NRG3: variants seen among roughly 807,000 people sequenced by gnomAD.
NRG3 encodes neuregulin 3, also known as pro-neuregulin-3, membrane-bound isoform.
In NRG3, 31 loss-of-function variants were observed where a neutral mutation model predicts 66.9. That is an observed-to-expected ratio of 0.46 (90% CI 0.35 to 0.63). The LOEUF is 0.63. Among genes scored for constraint, NRG3 ranks in the 20% least tolerant of loss-of-function variants. The pLI is 0.00. For synonymous variants in NRG3, 393 were observed against 359.4 expected (o/e 1.09, Z -1.06); for missense variants, 910 against 878.9 (o/e 1.04, Z -0.45).
At chr10:82,110,971 A>T (rs572853263) in intron 1 of NRG3, among the ~76,000 whole-genome samples, 7 of 152,320 alleles carry the variant, frequency 4.6e-5, no homozygotes, top group African/African-American at 1.7e-4. Flanking sequence ...GCTAACAAAG[A>T]TGTTACCAAA....
rs140950881 is a variant in NRG3, at chr10:82,593,473, C to A, written c.954-145104C>A. Among the ~76,000 whole-genome samples, 21 of 152,242 alleles carry A rather than the reference C, an allele frequency of 1.4e-4. No homozygotes were observed. The East Asian group carries it at 3.9e-3, about 28-fold the overall frequency. ...AAAGAAGCATGCTGTAGTGAGAATTCTTTGCTAGGAGTCAGAATTGGGTTC... is the reference window on the plus strand; with the variant it reads ...AAAGAAGCATGCTGTAGTGAGAATTATTTGCTAGGAGTCAGAATTGGGTTC... On this transcript the variant is annotated intron_variant, in intron 2 of 8. Transcript: ENST00000372141.
At chr10:82,153,555 T>G (rs2132828859) in intron 1 of NRG3, among the ~76,000 whole-genome samples, 1 of 152,090 alleles carries the variant, frequency 6.6e-6, no homozygotes, top group South Asian at 2.1e-4. Flanking sequence ...CTTACTTATT[T>G]TAATTCCTTT....
chr10:82,775,560 A>G (rs1485738844), intron 3 of NRG3, among the ~76,000 whole-genome samples: 1 of 152,090 alleles, frequency 6.6e-6, no homozygotes, highest in African/African-American at 2.4e-5. Flanking sequence ...CATGTGCACA[A>G]GAGAAGAATG....
At chr10:82,208,396 T>C (rs2075233499) in intron 1 of NRG3, among the ~76,000 whole-genome samples, 1 of 152,172 alleles carries the variant, frequency 6.6e-6, no homozygotes, top group African/African-American at 2.4e-5. Context: ...TAATAATAAT[T>C]CTGGAGCCAC....
chr10:82,857,032 T>A (rs2063846624), intron 3 of NRG3, among the ~76,000 whole-genome samples: 1 of 152,194 alleles, frequency 6.6e-6, no homozygotes, highest in Non-Finnish European at 1.5e-5. Flanking sequence ...GAATAAGATT[T>A]CAGTCTAATG....
intron 1 of NRG3, among the ~76,000 whole-genome samples, chr10:82,089,880 T>C (rs2065931612): frequency 1.3e-5 from 2 of 152,168 alleles, no homozygotes; most frequent in East Asian, 1.9e-4. Context: ...ACTTATGAAA[T>C]TGGTCTAGCC....
chr10:81,951,509 G>A (rs1374101594), intron 1 of NRG3, among the ~76,000 whole-genome samples: 1 of 152,084 alleles, frequency 6.6e-6, no homozygotes, highest in African/African-American at 2.4e-5. Flanking sequence ...ACCCAATGTG[G>A]CCAACACCCC....
chr10:82,034,612 T>C (rs1417198122), intron 1 of NRG3, among the ~76,000 whole-genome samples: 3 of 152,122 alleles, frequency 2.0e-5, no homozygotes, highest in South Asian at 2.1e-4. Context: ...AACTGACTTA[T>C]GAAAGCAACT....
chr10:82,489,987 C>T (rs1842966573), intron 2 of NRG3, among the ~76,000 whole-genome samples: 1 of 152,150 alleles, frequency 6.6e-6, no homozygotes. Flanking sequence ...GAAGCCAAGG[C>T]ACAGAGAAGA....
chr10:82,582,683 T>G (rs781690917), intron 2 of NRG3, among the ~76,000 whole-genome samples: 2 of 151,992 alleles, frequency 1.3e-5, no homozygotes, highest in Non-Finnish European at 2.9e-5. Flanking sequence ...TGTGTGTGTG[T>G]GTGTGTGTGT....
chr10:82,662,360 TAAA>T (rs111614091), intron 2 of NRG3, among the ~76,000 whole-genome samples: 7 of 141,688 alleles, frequency 4.9e-5, no homozygotes, highest in African/African-American at 1.5e-4. Context: ...CAGACTCTTT[TAAA>T]AAAAAAAAAA....
intron 1 of NRG3, among the ~76,000 whole-genome samples, chr10:81,895,896 G>A (rs1315507232): frequency 2.0e-5 from 3 of 152,130 alleles, no homozygotes. Flanking sequence ...TGACACATTG[G>A]AAGCCGAGGA....
intron 2 of NRG3, among the ~76,000 whole-genome samples, chr10:82,473,602 G>A (rs976624455): frequency 2.0e-5 from 3 of 152,126 alleles, no homozygotes; most frequent in African/African-American, 4.8e-5. Flanking sequence ...AAAATGATGG[G>A]GAGCTTTGTG....
intron 1 of NRG3, among the ~76,000 whole-genome samples, chr10:82,329,073 G>A (rs2082011146): frequency 6.6e-6 from 1 of 152,204 alleles, no homozygotes; most frequent in Non-Finnish European, 1.5e-5. Context: ...AAAGCCACTG[G>A]ACAGCCGAGG....
chr10:82,501,621 G>A (rs1020602203), intron 2 of NRG3, among the ~76,000 whole-genome samples: 6 of 152,038 alleles, frequency 3.9e-5, no homozygotes, highest in Non-Finnish European at 7.4e-5. Context: ...GCCCTTCTCA[G>A]TGGCAAGGCT....
intron 2 of NRG3, among the ~76,000 whole-genome samples, chr10:82,364,375 A>ATTTAATAAAAT (rs1211684198): frequency 6.6e-6 from 1 of 152,232 alleles, no homozygotes; most frequent in Non-Finnish European, 1.5e-5. Context: ...AATAAAAGGT[A>ATTTAATAAAAT]GATACACCCC....
intron 1 of NRG3, among the ~76,000 whole-genome samples, chr10:82,112,493 ACTC>A (rs2067447468): frequency 6.6e-6 from 1 of 152,022 alleles, no homozygotes; most frequent in Non-Finnish European, 1.5e-5. Flanking sequence ...GTGTAGTTAA[ACTC>A]CACAGGAGGC....
intron 2 of NRG3, among the ~76,000 whole-genome samples, chr10:82,619,932 G>T (rs1238160968): frequency 6.6e-6 from 1 of 152,214 alleles, no homozygotes; most frequent in Non-Finnish European, 1.5e-5. Context: ...TTGGCAGTTT[G>T]TTATGGCATC....
intron 1 of NRG3, among the ~76,000 whole-genome samples, chr10:81,885,596 TAAAGTA>T (rs751693197): frequency 7.9e-4 from 120 of 152,304 alleles, no homozygotes; most frequent in Admixed American, 2.9e-3. Context: ...CTCTTTTGGT[TAAAGTA>T]AAAGATAGTT....
Sources: gnomAD v4.1 joint callset for allele counts (sites outside exome capture counted in the v4.1 genomes callset) on GRCh38, gnomAD v4.1.1 for gene constraint, MANE v1.5 for transcripts, NCBI Gene and HGNC (gene_info 2026-07-23, HGNC 2026-07-21) for gene names.